The following TMEM154 variants were observed in gnomAD, a reference collection of about 807,000 sequenced individuals.
The protein encoded by TMEM154 is transmembrane protein 154.
In TMEM154, 27 loss-of-function variants were observed where a neutral mutation model predicts 24.5. That is an observed-to-expected ratio of 1.10 (90% CI 0.81 to 1.52). The LOEUF (loss-of-function observed/expected upper bound fraction) is 1.52, where lower values mean the gene tolerates loss of function less well. Among genes scored for constraint, TMEM154 ranks in the 40% most tolerant of loss-of-function variants. The pLI, the probability that TMEM154 is intolerant of heterozygous loss-of-function variation, is 0.00. For synonymous variants in TMEM154, 67 were observed against 76.8 expected (o/e 0.87, Z 0.67); for missense variants, 228 against 213.4 (o/e 1.07, Z -0.43).
intron 1 of TMEM154, among the ~76,000 whole-genome samples, chr4:152,660,305 G>A (rs1455662531): frequency 6.6e-6 from 1 of 152,052 alleles, no homozygotes; most frequent in African/African-American, 2.4e-5. Context: ...TGGGGTTGGT[G>A]GTTGGTGCGG....
At chr4:152,675,085 A>C in intron 1 of TMEM154, among the ~76,000 whole-genome samples, 1 of 144,778 alleles carries the variant, frequency 6.9e-6, no homozygotes, top group Non-Finnish European at 1.5e-5. Context: ...TGAACCCAGG[A>C]AGTGGAGGTT....
intron 1 of TMEM154, among the ~76,000 whole-genome samples, chr4:152,660,957 T>C (rs1728589475): frequency 1.3e-5 from 2 of 152,224 alleles, no homozygotes; most frequent in South Asian, 4.2e-4. Context: ...TTAGTCACCA[T>C]TTGACCCGTG....
chr4:152,657,908 A>G (rs569201939), intron 1 of TMEM154, among the ~76,000 whole-genome samples: 123 of 152,376 alleles, frequency 8.1e-4, no homozygotes, highest in Non-Finnish European at 1.4e-3. Flanking sequence ...AAGGAAAAAC[A>G]AAGTCTTTCC....
intron 1 of TMEM154, among the ~76,000 whole-genome samples, chr4:152,671,148 G>C (rs79166953): frequency 0.033 from 4,962 of 151,900 alleles, 277 homozygotes; most frequent in African/African-American, 0.11. Context: ...ACAGTTGAGG[G>C]CACAGCATAC....
rs1303988206 is a variant in TMEM154 at position 152,622,629 on chromosome 4, AC to A, written c.*5916del. 3 of 152,096 alleles carry A rather than the reference AC, an allele frequency of 2.0e-5. No individual in the cohort carries two copies. Among genetic ancestry groups the A allele is most frequent in the Non-Finnish European group, 4.4e-5 (3 of 68,016 alleles). The allele number at this position is 152,096 out of a possible 1,614,324, so 9.4% of individuals were successfully genotyped here. On this transcript the variant is annotated 3_prime_UTR_variant, in exon 7 of 7. Transcript: ENST00000304385. ...TGAGCAATTTAGCACACAAACATGT[AC>A]TTATTTTATTTAAAAAAAAATGGAG...
rs1259381036 is a variant in TMEM154, at chr4:152,652,834, G to T, written c.158C>A (p.Thr53Asn). The part of the protein sequence containing the change: ...VTIPSTFAAV[T>N]IKETLNANIN... Reference sequence around the variant, plus strand: ...ATTTGCATTTAATGTTTCTTTGATGGTCACTGCAGCAAATGTGCTTGGAAT... The same window carrying T: ...ATTTGCATTTAATGTTTCTTTGATGTTCACTGCAGCAAATGTGCTTGGAAT... Residue 53 changes from threonine to asparagine, a missense_variant, in exon 2 of 7, where the codon ACC becomes AAC. Coordinates refer to ENST00000304385, the MANE Select transcript of TMEM154 (RefSeq NM_152680.3). 2 of 1,614,032 alleles carry T rather than the reference G, an allele frequency of 1.2e-6. No individual in the cohort carries two copies. The highest frequency in any genetic ancestry group is 2.2e-5 in the East Asian group (1 of 44,842).
intron 3 of TMEM154, among the ~76,000 whole-genome samples, chr4:152,648,207 G>A (rs1013654870): frequency 6.6e-6 from 1 of 152,198 alleles, no homozygotes. Flanking sequence ...TAGCAGGGGG[G>A]CGTGGTGGCT....
At chr4:152,647,767 T>A (rs989141389) in intron 3 of TMEM154, among the ~76,000 whole-genome samples, 4 of 152,222 alleles carry the variant, frequency 2.6e-5, no homozygotes, top group African/African-American at 9.6e-5. Context: ...TTAGCACTTA[T>A]GCCAGGTACT....
In TMEM154 at chr4:152,652,789, G is replaced by A. The variant is rs1047233341; in HGVS notation, c.203C>T (p.Ala68Val). Reference protein sequence around the residue: ...LNANINSTNFAPDENQLEFIL... With the variant: ...LNANINSTNFVPDENQLEFIL... ...AAACTCTAACTGATTTTCATCCGGA[G>A]CAAAGTTGGTAGAATTTATATTTGC... Residue 68 changes from alanine (A) to valine (V), a missense_variant, in exon 2 of 7, where the codon GCT becomes GTT. By Grantham distance (64) the Ala-to-Val change is moderately conservative (BLOSUM62 0). Transcript: ENST00000304385. 6.2e-7 allele frequency: 1 copy of A among 1,614,056 alleles called. No homozygotes were observed. The highest frequency in any genetic ancestry group is 1.3e-5 in the African/African-American group (1 of 75,046).
At chr4:152,678,023 G>A (rs1358492246) in intron 1 of TMEM154, among the ~76,000 whole-genome samples, 1 of 152,154 alleles carries the variant, frequency 6.6e-6, no homozygotes, top group African/African-American at 2.4e-5. Context: ...GGCAGAGAAA[G>A]GAGACATCAA....
intron 3 of TMEM154, among the ~76,000 whole-genome samples, chr4:152,647,628 C>T (rs576392463): frequency 1.2e-4 from 18 of 152,174 alleles, no homozygotes; most frequent in East Asian, 1.2e-3. Flanking sequence ...TCCCTCTGAG[C>T]GTAGATGTTC....
intron 6 of TMEM154, among the ~76,000 whole-genome samples, chr4:152,632,226 C>T (rs549554383): frequency 1.1e-3 from 166 of 152,100 alleles, no homozygotes; most frequent in South Asian, 2.9e-3. Context: ...TTCTTTTTAA[C>T]ACTCAAACTC....
intron 1 of TMEM154, among the ~76,000 whole-genome samples, chr4:152,661,316 C>G (rs1012679924): frequency 6.8e-6 from 1 of 147,526 alleles, no homozygotes; most frequent in Non-Finnish European, 1.5e-5. Context: ...CTCTCTCTCT[C>G]TCTCTCTCTC....
chr4:152,658,591 T>C (rs1579527891), intron 1 of TMEM154, among the ~76,000 whole-genome samples: 1 of 144,684 alleles, frequency 6.9e-6, no homozygotes, highest in African/African-American at 2.6e-5. Context: ...GAGGATCACC[T>C]GAGGTCAGGA....
chr4:152,644,386 G>A, intron 4 of TMEM154, 29 bp downstream of exon 4: 1 of 1,613,576 alleles, frequency 6.2e-7, no homozygotes, highest in Non-Finnish European at 8.5e-7. Flanking sequence ...CACACCCCAG[G>A]TGGATCAGAA....
intron 6 of TMEM154, 27 bp downstream of exon 6, chr4:152,640,899 ATG>A (rs1274851936): frequency 7.5e-7 from 1 of 1,334,512 alleles, no homozygotes; most frequent in African/African-American, 1.5e-5. Flanking sequence ...CGCCATATAC[ATG>A]TAATCTGTGG....
intron 1 of TMEM154, among the ~76,000 whole-genome samples, chr4:152,670,325 G>A (rs1055065208): frequency 6.6e-6 from 1 of 152,168 alleles, no homozygotes; most frequent in African/African-American, 2.4e-5. Context: ...GGTGGCTCAC[G>A]CCTGTAATCT....
intron 1 of TMEM154, among the ~76,000 whole-genome samples, chr4:152,677,052 A>G (rs376634996): frequency 1.3e-5 from 2 of 152,344 alleles, no homozygotes; most frequent in South Asian, 2.1e-4. Context: ...ACTTTACTCC[A>G]TGAGCAGAAC....
chr4:152,678,509 G>A (rs1271534455), intron 1 of TMEM154, among the ~76,000 whole-genome samples: 2 of 141,054 alleles, frequency 1.4e-5, no homozygotes, highest in Admixed American at 1.5e-4. Flanking sequence ...GGCAGAGACA[G>A]TGATTGGTTC....
Sources: gnomAD v4.1 joint callset for allele counts (sites outside exome capture counted in the v4.1 genomes callset) on GRCh38, gnomAD v4.1.1 for gene constraint, MANE v1.5 for transcripts, NCBI Gene and HGNC (gene_info 2026-07-23, HGNC 2026-07-21) for gene names.